NID1: variants seen among roughly 807,000 people sequenced by gnomAD.
NID1 encodes nidogen 1.
In NID1, 76 loss-of-function variants were observed where a neutral mutation model predicts 130.6. The ratio of observed to expected loss-of-function variants is 0.58; its 90% CI spans 0.48 to 0.70. The LOEUF is 0.70. Ranked by LOEUF, NID1 falls within the 30% of genes least tolerant of loss-of-function variation. The pLI, the probability that NID1 is intolerant of heterozygous loss-of-function variation, is 0.00. For synonymous variants in NID1, 665 were observed against 675.1 expected (o/e 0.98, Z 0.23); for missense variants, 1,517 against 1,664.8 (o/e 0.91, Z 1.54).
chr1:236,022,305 G>A (rs1658788279), intron 9 of NID1, among the ~76,000 whole-genome samples: 1 of 150,694 alleles, frequency 6.6e-6, no homozygotes, highest in South Asian at 2.1e-4. Context: ...TAAATAAATA[G>A]GAGAATGAAA....
rs1319271087 is a variant in NID1, at chr1:236,012,016, C to T, written c.2432G>A (p.Cys811Tyr). Residue 811 changes from cysteine to tyrosine, a missense_variant, in exon 12 of 20, where the codon TGT (cysteine) becomes TAT (tyrosine). Cys to Tyr is a radical substitution (Grantham distance 194, BLOSUM62 -2). This residue lies in a region of NID1 where 1,329 missense variants were observed against 1,429.2 expected (regional missense o/e 0.93). Transcript: ENST00000264187. ...QDVDECQPSR[C>Y]HPDAFCYNTP... ...GTTGTAGCAGAAGGCGTCAGGGTGA[C>T]ATCGGCTTGGCTGGCATTCATCTAC... 1 of 1,614,060 alleles carries T rather than the reference C, an allele frequency of 6.2e-7. No individual in the cohort carries two copies. Among genetic ancestry groups the T allele is most frequent in the African/African-American group, 1.3e-5 (1 of 75,058 alleles).
At chr1:236,038,785 C>T (rs11583196) in intron 4 of NID1, among the ~76,000 whole-genome samples, 1,619 of 81,130 alleles carry the variant, frequency 0.02, 194 homozygotes, top group African/African-American at 0.082. Context: ...ATTACCTATG[C>T]TATATAGGTC....
intron 14 of NID1, among the ~76,000 whole-genome samples, chr1:235,990,447 AG>A (rs1280343485): frequency 6.6e-6 from 1 of 152,196 alleles, no homozygotes; most frequent in African/African-American, 2.4e-5. Context: ...ATTCTGACTC[AG>A]CCTTGTAGTG....
Position 235,993,698 on chromosome 1 carries a change from C to T in NID1, c.2702G>A (p.Arg901His), listed in dbSNP as rs1462969325. 5 of 1,600,034 alleles carry T rather than the reference C, an allele frequency of 3.1e-6. No individual in the cohort carries two copies. The highest frequency in any genetic ancestry group is 4.3e-6 in the Non-Finnish European group (5 of 1,170,714). The change falls in exon 13 of 20, where the codon CGC becomes CAC. Residue 901 changes from arginine to histidine, a missense_variant. Physicochemically the swap from Arg to His is conservative, Grantham distance 29. This residue lies in a region of NID1 where 1,329 missense variants were observed against 1,429.2 expected (regional missense o/e 0.93). Coordinates refer to ENST00000264187, the MANE Select transcript of NID1 (RefSeq NM_002508.3). ...GGTGCCCTCCACCTCGCGGCCGTCG[C>T]GATCCACGCACCAGCAGTAGCCGGT... ...GSTGYCWCVDRDGREVEGTRT... is the reference protein window; with the variant it reads ...GSTGYCWCVDHDGREVEGTRT...
Position 236,005,707 on chromosome 1 carries a change from C to T in NID1, c.2527+6214G>A, listed in dbSNP as rs1369712363. 3.3e-5 allele frequency among the ~76,000 whole-genome samples: 5 copies of T among 152,104 alleles called. No individual in the cohort carries two copies. In the East Asian group the frequency reaches 9.6e-4, roughly 29 times the overall value. ...AGGGAGGCATTCTTTAATGAAGACA[C>T]ATCAGAAAGGAAAAGTGGTCAAAAA... On this transcript the variant is annotated intron_variant, in intron 12 of 19. Transcript: ENST00000264187.
chr1:235,978,631 C>T (rs947073382), intron 19 of NID1, among the ~76,000 whole-genome samples: 1 of 152,188 alleles, frequency 6.6e-6, no homozygotes, highest in Non-Finnish European at 1.5e-5. Flanking sequence ...AAGTGCCACA[C>T]ATATGTTTTC....
intron 14 of NID1, among the ~76,000 whole-genome samples, chr1:235,988,290 G>A (rs1334197937): frequency 1.3e-5 from 2 of 152,178 alleles, no homozygotes; most frequent in African/African-American, 4.8e-5. Flanking sequence ...GTGAAAAGAT[G>A]TTCAGTGTCA....
intron 13 of NID1, among the ~76,000 whole-genome samples, chr1:235,991,315 C>T (rs1029636025): frequency 2.0e-5 from 3 of 152,138 alleles, no homozygotes; most frequent in Admixed American, 6.5e-5. Flanking sequence ...TTAAAAGTCA[C>T]GTGAAAAAAA....
intron 14 of NID1, among the ~76,000 whole-genome samples, chr1:235,989,784 C>T (rs1657677574): frequency 6.6e-6 from 1 of 152,230 alleles, no homozygotes; most frequent in Non-Finnish European, 1.5e-5. Flanking sequence ...TGAAGTGAGG[C>T]AGTGAACTGT....
chr1:236,032,363 T>A, intron 6 of NID1, 38 bp downstream of exon 6: 1 of 1,605,022 alleles, frequency 6.2e-7, no homozygotes, highest in Non-Finnish European at 8.5e-7. Flanking sequence ...TAGGCACTAC[T>A]GTGTGACCCA....
At chr1:236,002,814 C>T (rs1249437548) in intron 12 of NID1, among the ~76,000 whole-genome samples, 1 of 152,138 alleles carries the variant, frequency 6.6e-6, no homozygotes, top group Non-Finnish European at 1.5e-5. Context: ...AAGGAGGTGG[C>T]GGTCAGACGT....
At chr1:236,047,822 T>C (rs996080067) in intron 2 of NID1, among the ~76,000 whole-genome samples, 7 of 144,232 alleles carry the variant, frequency 4.9e-5, no homozygotes, top group Non-Finnish European at 9.0e-5. Flanking sequence ...AGGTCAGCAG[T>C]TGGAGACCAG....
intron 4 of NID1, among the ~76,000 whole-genome samples, chr1:236,039,282 C>T (rs1324416384): frequency 2.0e-5 from 3 of 149,348 alleles, no homozygotes; most frequent in Non-Finnish European, 4.4e-5. Flanking sequence ...ATAAAATTTG[C>T]CATTTTAACA....
At chr1:236,015,873 A>G (rs894262254) in intron 10 of NID1, among the ~76,000 whole-genome samples, 3 of 152,006 alleles carry the variant, frequency 2.0e-5, no homozygotes, top group Non-Finnish European at 4.4e-5. Flanking sequence ...ACATTTGCCC[A>G]GCACCTGTCT....
chr1:236,025,870 G>A lies in NID1; in HGVS notation c.1984+26C>T. 3.7e-6 allele frequency: 6 copies of A among 1,607,654 alleles called. No individual in the cohort carries two copies. The South Asian group carries it at 5.5e-5, about 15-fold the overall frequency. On this transcript the variant is annotated intron_variant, in intron 8 of 19. Coordinates refer to ENST00000264187, the MANE Select transcript of NID1 (RefSeq NM_002508.3). ...GTTTTAAAAATGCATGAGCACCTGT[G>A]CCCAGCATGAGCTGTATCCCCTTAC...
chr1:236,021,107 T>TGAGGAGGCATGGATCGGTG (rs1658745756), intron 9 of NID1, among the ~76,000 whole-genome samples: 1 of 152,190 alleles, frequency 6.6e-6, no homozygotes, highest in Non-Finnish European at 1.5e-5. Context: ...AGCTGTGTAA[T>TGAGGAGGCATGGATCGGTG]GAGGAGGCAT....
At chr1:236,054,796 C>G (rs1399345698) in intron 1 of NID1, among the ~76,000 whole-genome samples, 2 of 151,492 alleles carry the variant, frequency 1.3e-5, no homozygotes, top group African/African-American at 4.8e-5. Context: ...TGTGTGCCAC[C>G]ACATCTGGCT....
At chr1:236,061,079 G>A (rs919452164) in intron 1 of NID1, among the ~76,000 whole-genome samples, 1 of 152,296 alleles carries the variant, frequency 6.6e-6, no homozygotes, top group Admixed American at 6.5e-5. Flanking sequence ...GGTTGATGAG[G>A]AAAACCTCTT....
Position 236,042,278 on chromosome 1 carries a change from C to A in NID1, c.767G>T (p.Gly256Val), listed in dbSNP as rs143338372. The change falls in exon 4 of 20, where the codon GGG becomes GTG. Residue 256 changes from glycine to valine, a missense_variant. Gly to Val is a moderately radical substitution (Grantham distance 109). Around this residue, in one of 3 missense-constraint regions of NID1, gnomAD observed 1,329 missense variants for 1,429.2 expected, o/e 0.93. Coordinates refer to ENST00000264187, the MANE Select transcript of NID1 (RefSeq NM_002508.3). ...VENLAKSSNSGQQGVWVFEIG... is the reference protein window; with the variant it reads ...VENLAKSSNSVQQGVWVFEIG... ...CTCAAACACCCAGACACCCTGCTGC[C>A]CAGAGTTACTACTCCTAGGAGGAAG... 9 of 1,603,244 alleles carry A rather than the reference C, an allele frequency of 5.6e-6. No homozygotes were observed. The African/African-American group carries it at 1.1e-4, about 19-fold the overall frequency.
Sources: gnomAD v4.1 joint callset for allele counts (sites outside exome capture counted in the v4.1 genomes callset) on GRCh38, gnomAD v4.1.1 for gene constraint, gnomAD v4.1.1 regional missense constraint, MANE v1.5 for transcripts, NCBI Gene and HGNC (gene_info 2026-07-23, HGNC 2026-07-21) for gene names.